Variants in NOS1 observed in about 807,000 individuals in gnomAD.
The protein encoded by NOS1 is nitric oxide synthase 1.
In NOS1, 51 loss-of-function variants were observed where a neutral mutation model predicts 164.5. The observed-to-expected ratio is 0.31, with a 90% CI of 0.25 to 0.39. NOS1 has a LOEUF of 0.39. NOS1 is among the 10% of genes least tolerant of loss of function. The pLI is 1.00. For synonymous variants in NOS1, 719 were observed against 745.8 expected, an observed-to-expected ratio of 0.96 and a Z score of 0.59; for missense variants, 1,362 against 1,885.6, an observed-to-expected ratio of 0.72 and a Z score of 5.14.
chr12:117,213,362 G>A lies in NOS1; in HGVS notation c.*1947C>T. The A allele has an allele frequency of 2.0e-6, 2 of 985,496 alleles. No individual in the cohort carries two copies. The highest frequency in any genetic ancestry group is 2.4e-6 in the Non-Finnish European group (2 of 829,978). The allele number at this position is 985,496 out of a possible 1,614,324, so 61.0% of individuals were successfully genotyped here. On this transcript the variant is annotated 3_prime_UTR_variant, in exon 29 of 29. Transcript: ENST00000317775. ...TGGGCTTCCCTTCAGGATTAGAAGG[G>A]GTGAGTGTGGGATGCTAAGTGTTTG...
rs924007999 is a variant in NOS1, at chr12:117,234,640, C to T, written c.3160G>A (p.Glu1054Lys). Residue 1054 changes from glutamate to lysine, a missense_variant, in exon 21 of 29, where the codon GAG (glutamate) becomes AAG (lysine). Transcript: ENST00000317775. The surrounding 1 kb of genome is among the most constrained non-coding windows in gnomAD (Gnocchi z 4.3). ...NHEDLVNALI[E>K]RLEDAPPVNQ... ...ACAGGCGGCGCGTCCTCCAGCCGCT[C>T]GATCAGGGCATTCACGAGGTCCTCG... 3.7e-6 allele frequency: 6 copies of T among 1,614,126 alleles called. No homozygotes were observed. Among genetic ancestry groups the T allele is most frequent in the Non-Finnish European group, 4.2e-6 (5 of 1,179,994 alleles).
chr12:117,345,362 A>C (rs1424438736), intron 1 of NOS1, among the ~76,000 whole-genome samples: 1 of 152,056 alleles, frequency 6.6e-6, no homozygotes, highest in Non-Finnish European at 1.5e-5. Flanking sequence ...GGAACTTAAC[A>C]ATTTAAATTA....
intron 11 of NOS1, among the ~76,000 whole-genome samples, chr12:117,266,084 C>T (rs1185791843): frequency 6.6e-6 from 1 of 152,174 alleles, no homozygotes; most frequent in Admixed American, 6.5e-5. Context: ...CAGGTGTGAG[C>T]CACCGTGCCC....
chr12:117,335,070 A>G (rs1395705484), intron 1 of NOS1, among the ~76,000 whole-genome samples: 2 of 152,260 alleles, frequency 1.3e-5, no homozygotes, highest in East Asian at 3.8e-4. Flanking sequence ...ATGAAACAGT[A>G]AATGCAGAGA....
intron 12 of NOS1, among the ~76,000 whole-genome samples, chr12:117,265,017 A>C (rs538638499): frequency 6.6e-6 from 1 of 151,982 alleles, no homozygotes; most frequent in Admixed American, 6.6e-5. Context: ...AATTAAAAAA[A>C]AAAAAAAATT....
intron 1 of NOS1, among the ~76,000 whole-genome samples, chr12:117,343,324 A>C (rs543024985): frequency 1.6e-4 from 24 of 152,304 alleles, no homozygotes; most frequent in African/African-American, 5.8e-4. Context: ...AATAAGAATG[A>C]ATGAAATTCA....
intron 1 of NOS1, among the ~76,000 whole-genome samples, chr12:117,345,791 C>T (rs544765322): frequency 1.3e-5 from 2 of 152,068 alleles, no homozygotes; most frequent in Admixed American, 6.5e-5. Context: ...CCCAGGAGGT[C>T]GAGGCTGCAG....
chr12:117,285,377 C>T (rs1874033357), intron 6 of NOS1, 45 bp from the exon 7 acceptor site: 1 of 1,279,574 alleles, frequency 7.8e-7, no homozygotes, highest in East Asian at 2.5e-5. Context: ...TCTTTCCCTC[C>T]CCAGCTCCCC....
rs1264064338 is a variant in NOS1, at chr12:117,312,306, C to T, written c.726-714G>A. 3.3e-5 allele frequency among the ~76,000 whole-genome samples: 5 copies of T among 152,306 alleles called. No homozygotes were observed. In the East Asian group the frequency reaches 7.7e-4, roughly 24 times the overall value. On this transcript the variant is annotated intron_variant, in intron 2 of 28. Transcript: ENST00000317775. ...CTGATCTCTAACTCCTGGGCTCAAG[C>T]GATGCCCCTGCCTCAGCTTCCCAAA...
At chr12:117,337,765 T>C (rs939828909) in intron 1 of NOS1, among the ~76,000 whole-genome samples, 2 of 152,114 alleles carry the variant, frequency 1.3e-5, no homozygotes, top group African/African-American at 2.4e-5. Flanking sequence ...CCTGGGCTAA[T>C]AGTCCAGTAT....
chr12:117,234,514 C>T lies in NOS1; in HGVS notation c.3235+51G>A. 6.4e-7 allele frequency: 1 copy of T among 1,563,814 alleles called. No homozygotes were observed. The highest frequency in any genetic ancestry group is 8.7e-7 in the Non-Finnish European group (1 of 1,146,522). ...AAAAGGTATCTTCTTCCCGAGACAC[C>T]CACTGCCTCTGCAGCTCCCTAGAGC... On this transcript the variant is annotated intron_variant, in intron 21 of 28. Transcript: ENST00000317775. The surrounding 1 kb of genome is among the most constrained non-coding windows in gnomAD (Gnocchi z 4.3).
intron 7 of NOS1, among the ~76,000 whole-genome samples, chr12:117,284,017 C>T (rs1873902639): frequency 6.6e-6 from 1 of 152,080 alleles, no homozygotes; most frequent in Non-Finnish European, 1.5e-5. Context: ...CACCTAAATA[C>T]CAATTCCTCA....
intron 7 of NOS1, among the ~76,000 whole-genome samples, chr12:117,283,043 T>C (rs896839548): frequency 1.5e-5 from 1 of 66,906 alleles, no homozygotes; most frequent in Admixed American, 1.9e-4. Context: ...ACATTATATA[T>C]ATATATATAT....
rs368042252 is a variant in NOS1 at position 117,268,107 on chromosome 12, G to A, written c.1877C>T (p.Thr626Met). The A allele has an allele frequency of 7.4e-6, 12 of 1,613,856 alleles. No individual in the cohort carries two copies. The highest frequency in any genetic ancestry group is 3.3e-4 in the Middle Eastern group (2 of 6,080). ...AKKMNLDMRK[T>M]SSLWKDQALV... ...CGCCTGGTCCTTCCACAGGGAGGAC[G>A]TCTTCCTCATGTCTAAGTTCATCTT... is the stretch of plus-strand genomic sequence containing the variant. Residue 626 changes from threonine (T) to methionine (M), a missense_variant, in exon 11 of 29, where the codon ACG (threonine) becomes ATG (methionine). By Grantham distance (81) the Thr-to-Met change is moderately conservative. Around this residue, in one of 4 missense-constraint regions of NOS1, gnomAD observed 134 missense variants for 267.3 expected, o/e 0.50. Transcript: ENST00000317775.
Position 117,214,481 on chromosome 12 carries a change from TG to T in NOS1, c.*827del. 1 of 981,194 alleles carries T rather than the reference TG, an allele frequency of 1.0e-6. No homozygotes were observed. Among genetic ancestry groups the T allele is most frequent in the Non-Finnish European group, 1.2e-6 (1 of 826,638 alleles). 60.8% of individuals were successfully genotyped at this position (981,194 alleles called of 1,614,324 possible). On this transcript the variant is annotated 3_prime_UTR_variant, in exon 29 of 29. Transcript: ENST00000317775. Reference sequence around the variant, plus strand: ...TGATTCTAGCTGGTATGGGTGGGTTTGGGGAGGGGATTTGCACAATCCATTG... The same window carrying T: ...TGATTCTAGCTGGTATGGGTGGGTTTGGGAGGGGATTTGCACAATCCATTG...
At chr12:117,235,857 A>G (rs2135945090) in intron 20 of NOS1, among the ~76,000 whole-genome samples, 1 of 152,336 alleles carries the variant, frequency 6.6e-6, no homozygotes, top group East Asian at 1.9e-4. Flanking sequence ...AGCCTGGCCA[A>G]CATGACAAAA....
intron 5 of NOS1, among the ~76,000 whole-genome samples, chr12:117,287,288 T>C (rs1872769389): frequency 6.6e-6 from 1 of 152,202 alleles, no homozygotes; most frequent in African/African-American, 2.4e-5. Flanking sequence ...TTATCCTTTC[T>C]TTTGCTCAAA....
At chr12:117,302,360 C>T (rs1156377357) in intron 3 of NOS1, among the ~76,000 whole-genome samples, 5 of 152,090 alleles carry the variant, frequency 3.3e-5, no homozygotes, top group South Asian at 2.1e-4. Context: ...TTTGGGAGGC[C>T]GAGGCGGGCG....
At chr12:117,231,913 G>C (rs764369119) in intron 22 of NOS1, 49 bp downstream of exon 22, 4 of 1,551,046 alleles carry the variant, frequency 2.6e-6, no homozygotes, top group Non-Finnish European at 3.5e-6. Context: ...CTTTAATGAC[G>C]AGGAGGTGAA....
Sources: allele counts gnomAD v4.1 joint callset (sites outside exome capture counted in the v4.1 genomes callset), GRCh38; gene constraint gnomAD v4.1.1; regional missense constraint gnomAD v4.1.1; non-coding constraint Gnocchi (gnomAD v3.1); transcripts MANE v1.5; gene names NCBI Gene and HGNC (gene_info 2026-07-23, HGNC 2026-07-21).